The following CHEK1 variants were observed in gnomAD, a reference collection of about 807,000 sequenced individuals.
CHEK1 encodes checkpoint kinase 1.
A neutral mutation model predicts 60.2 loss-of-function variants in CHEK1; 32 were observed. The observed-to-expected ratio is 0.53, with a 90% CI of 0.40 to 0.71. The LOEUF is 0.71. Among genes scored for constraint, CHEK1 ranks in the 30% least tolerant of loss-of-function variants. The pLI is 0.00. For synonymous variants in CHEK1, 179 were observed against 187.2 expected (o/e 0.96, Z 0.36); for missense variants, 399 against 564.6 (o/e 0.71, Z 2.97).
chr11:125,663,993 G>T (rs1266034727), intron 13 of CHEK1, among the ~76,000 whole-genome samples: 3 of 152,080 alleles, frequency 2.0e-5, no homozygotes, highest in African/African-American at 4.8e-5. Context: ...CTTGGTCGAA[G>T]ATCAGATGGT....
chr11:125,642,026 A>G lies in CHEK1; in HGVS notation c.815-1766A>G, dbSNP rs190365025. ...AGTTCTGCTTTGCTCCCCCTTGGTCATATTGTTGTTCTTCTTATTGTTCTC... is the reference window on the plus strand; with the variant it reads ...AGTTCTGCTTTGCTCCCCCTTGGTCGTATTGTTGTTCTTCTTATTGTTCTC... On this transcript the variant is annotated intron_variant, in intron 8 of 12. Transcript: ENST00000438015. Among the ~76,000 whole-genome samples the G allele has an allele frequency of 2.7e-3, 410 of 151,590 alleles. 1 individual carries two copies. The highest frequency in any genetic ancestry group is 8.9e-3 in the African/African-American group (370 of 41,412).
chr11:125,661,279 ATT>A (rs113899988), downstream of CHEK1, among the ~76,000 whole-genome samples: 1 of 143,842 alleles, frequency 7.0e-6, no homozygotes, highest in Non-Finnish European at 1.5e-5. Flanking sequence ...CTTTTCTACC[ATT>A]TTTTTTTTGC....
intron 8 of CHEK1, among the ~76,000 whole-genome samples, chr11:125,641,556 AG>A (rs1941305131): frequency 6.6e-6 from 1 of 152,230 alleles, no homozygotes; most frequent in South Asian, 2.1e-4. Context: ...TTGAATGTTA[AG>A]AGGCATCTCA....
intron 8 of CHEK1, among the ~76,000 whole-genome samples, chr11:125,640,451 G>A (rs569325486): frequency 6.5e-4 from 95 of 146,828 alleles, no homozygotes; most frequent in Non-Finnish European, 1.2e-3. Context: ...TGAGGCAAGA[G>A]AATGGCGTGA....
chr11:125,645,302 A>T (rs1193368526), intron 11 of CHEK1, among the ~76,000 whole-genome samples: 1 of 152,136 alleles, frequency 6.6e-6, no homozygotes, highest in Non-Finnish European at 1.5e-5. Flanking sequence ...TACATTAGCA[A>T]TCCCACACTT....
At chr11:125,672,725 G>A in intron 13 of CHEK1, 1 of 1,613,838 alleles carries the variant, frequency 6.2e-7, no homozygotes, top group Non-Finnish European at 8.5e-7. Flanking sequence ...CACCTGAAAG[G>A]AGCAGAGACA....
chr11:125,672,654 G>A, intron 13 of CHEK1: 3 of 1,614,160 alleles, frequency 1.9e-6, no homozygotes, highest in Non-Finnish European at 2.5e-6. Flanking sequence ...CGTTCCATGG[G>A]AGAAGAGGTT....
rs1274198556 is a variant in CHEK1, at chr11:125,626,031, T to A, written c.-21+19T>A. On this transcript the variant is annotated intron_variant, in intron 1 of 12. Coordinates refer to ENST00000438015, the MANE Select transcript of CHEK1 (RefSeq NM_001114122.3). ...CAGTCCGGTGAGGAAGGGCGGCCGGTAGAGTAGGGAAGGTTTCTAAAGAAG... is the reference window on the plus strand; with the variant it reads ...CAGTCCGGTGAGGAAGGGCGGCCGGAAGAGTAGGGAAGGTTTCTAAAGAAG... 1 of 696,058 alleles carries A rather than the reference T, an allele frequency of 1.4e-6. No individual in the cohort carries two copies. The highest frequency in any genetic ancestry group is 1.5e-5 in the South Asian group (1 of 67,428). The allele number at this position is 696,058 out of a possible 1,614,324, so 43.1% of individuals were successfully genotyped here. A position where few individuals can be genotyped will look rare whatever the true frequency, so the allele number is the denominator to read the frequency against.
downstream of CHEK1, chr11:125,677,833 G>A (rs758661156): frequency 6.2e-7 from 1 of 1,614,038 alleles, no homozygotes; most frequent in African/African-American, 1.3e-5. Flanking sequence ...CCTGAAGCCT[G>A]TTCCCCTGAA....
downstream of CHEK1, among the ~76,000 whole-genome samples, chr11:125,660,305 A>T (rs557999284): frequency 3.4e-4 from 52 of 152,338 alleles, no homozygotes; most frequent in Non-Finnish European, 4.3e-4. Context: ...GATCTTACAT[A>T]TCTTTACTGC....
At chr11:125,646,985 A>G (rs992414661) in intron 11 of CHEK1, among the ~76,000 whole-genome samples, 1 of 152,106 alleles carries the variant, frequency 6.6e-6, no homozygotes, top group African/African-American at 2.4e-5. Context: ...CAGTGGATCT[A>G]TAATTTCTCT....
intron 13 of CHEK1, among the ~76,000 whole-genome samples, chr11:125,670,235 G>A (rs988558412): frequency 6.6e-6 from 1 of 152,038 alleles, no homozygotes. Context: ...CTGTTTATTC[G>A]TATGGCACTA....
chr11:125,657,283 T>G (rs2298637), downstream of CHEK1: 49,383 of 140,772 alleles, frequency 0.35, 8,818 homozygotes, highest in East Asian at 0.44. Flanking sequence ...GTGTGTGTGT[T>G]TAATGTGTAC....
intron 13 of CHEK1, among the ~76,000 whole-genome samples, chr11:125,666,109 TG>T (rs1234763080): frequency 6.6e-6 from 1 of 151,672 alleles, no homozygotes; most frequent in Non-Finnish European, 1.5e-5. Flanking sequence ...ATTTTTTTTC[TG>T]TTTTTTTATG....
rs940501464 is a variant in CHEK1, at chr11:125,653,649, T to C, written c.1234-97T>C. 7.4e-6 allele frequency: 5 copies of C among 676,832 alleles called. No individual in the cohort carries two copies. Among genetic ancestry groups the C allele is most frequent in the Non-Finnish European group, 1.0e-5 (4 of 388,100 alleles). The allele number at this position is 676,832 out of a possible 1,614,324, so 41.9% of individuals were successfully genotyped here. ...TGGAACATATAGGTAGTTTTATTTG[T>C]AGTTTTTTGAGAAACTTCTATTCTG... On this transcript the variant is annotated intron_variant, in intron 11 of 12. Transcript: ENST00000438015. This position sits in a 1 kb window ranked among gnomAD's most constrained non-coding sequence, Gnocchi z 4.3.
At chr11:125,672,762 C>T (rs1237938518) in intron 13 of CHEK1, 5 of 1,608,772 alleles carry the variant, frequency 3.1e-6, no homozygotes, top group Non-Finnish European at 4.2e-6. Flanking sequence ...GCTTCGTCCT[C>T]CAACCTTAGC....
At chr11:125,627,853 T>C in intron 3 of CHEK1, 23 bp downstream of exon 3, 1 of 1,486,426 alleles carries the variant, frequency 6.7e-7, no homozygotes, top group Non-Finnish European at 9.0e-7. Flanking sequence ...TTTAAGATAA[T>C]TATTTTAAAC....
chr11:125,677,030 A>G (rs1370279478), downstream of CHEK1, among the ~76,000 whole-genome samples: 29 of 152,182 alleles, frequency 1.9e-4, no homozygotes, highest in Admixed American at 1.8e-3. Context: ...CTCTACTGCT[A>G]ATCCCCCAGT....
rs1941034604 is a variant in CHEK1, at chr11:125,635,459, G to C, written c.644G>C (p.Cys215Ser). ...CCATGGGACCAACCCAGTGACAGCT[G>C]TCAGGAGTATTCTGACTGGAAAGAA... ...ELPWDQPSDS[C>S]QEYSDWKEKK... Residue 215 changes from cysteine (C) to serine (S), a missense_variant, in exon 7 of 13, where the codon TGT becomes TCT. By Grantham distance (112) the Cys-to-Ser change is moderately radical. This residue lies in a region of CHEK1 where 370 missense variants were observed against 494.8 expected (regional missense o/e 0.75). Coordinates refer to ENST00000438015, the MANE Select transcript of CHEK1 (RefSeq NM_001114122.3). The C allele has an allele frequency of 1.2e-6, 2 of 1,603,456 alleles. No homozygotes were observed. The highest frequency in any genetic ancestry group is 2.7e-5 in the African/African-American group (2 of 74,278).
Sources: allele counts gnomAD v4.1 joint callset (sites outside exome capture counted in the v4.1 genomes callset), GRCh38; gene constraint gnomAD v4.1.1; regional missense constraint gnomAD v4.1.1; non-coding constraint Gnocchi (gnomAD v3.1); transcripts MANE v1.5; gene names NCBI Gene and HGNC (gene_info 2026-07-23, HGNC 2026-07-21).